The following RPS6KC1 variants were observed in gnomAD, a reference collection of about 807,000 sequenced individuals.
The protein encoded by RPS6KC1 is ribosomal protein S6 kinase C1, also known as inactive ribosomal protein S6 kinase delta-1.
In RPS6KC1, 54 loss-of-function variants were observed where a neutral mutation model predicts 103.8. The observed-to-expected ratio is 0.52, with a 90% CI of 0.42 to 0.65. The LOEUF is 0.65. Among genes scored for constraint, RPS6KC1 ranks in the 30% least tolerant of loss-of-function variants. RPS6KC1 has a pLI of 0.00. For missense variants in RPS6KC1, 1,151 were observed against 1,253.8 expected (o/e 0.92, Z 1.24); for synonymous variants, 439 against 438.7 (o/e 1.00, Z -0.01).
chr1:213,185,986 C>T lies in RPS6KC1; in HGVS notation c.1044+9494C>T, dbSNP rs374541993. On this transcript the variant is annotated intron_variant, in intron 8 of 14. Coordinates refer to ENST00000366960, the MANE Select transcript of RPS6KC1 (RefSeq NM_012424.6). ...CAAATAATAAGAATAGAAACAAAGG[C>T]AAAAAAAAAAACTACACAAAAATAA... 4.1e-4 allele frequency among the ~76,000 whole-genome samples: 58 copies of T among 140,408 alleles called. No individual in the cohort carries two copies. The East Asian group carries it at 4.7e-3, about 11-fold the overall frequency. The allele number at this position is 140,408 out of a possible 152,430, so 92.1% of individuals were successfully genotyped here.
At chr1:213,370,118 A>C in the RPS6KC1 span, among the ~76,000 whole-genome samples, 1 of 152,108 alleles carries the variant, frequency 6.6e-6, no homozygotes, top group African/African-American at 2.4e-5. Context: ...AAAGCTCAAA[A>C]AGATGCTGTG....
chr1:213,252,749 T>C (rs1355344184), intron 12 of RPS6KC1, among the ~76,000 whole-genome samples: 1 of 152,214 alleles, frequency 6.6e-6, no homozygotes, highest in South Asian at 2.1e-4. Flanking sequence ...ACTATATTTA[T>C]CTTTCACCTT....
chr1:213,757,452 T>C, the RPS6KC1 span, among the ~76,000 whole-genome samples: 2 of 152,220 alleles, frequency 1.3e-5, no homozygotes, highest in Non-Finnish European at 2.9e-5. Flanking sequence ...AGCCAAAGCC[T>C]AATCCAGAGC....
the RPS6KC1 span, among the ~76,000 whole-genome samples, chr1:213,474,175 G>T: frequency 6.6e-6 from 1 of 152,072 alleles, no homozygotes; most frequent in Non-Finnish European, 1.5e-5. Flanking sequence ...CTGGGTTCGG[G>T]GGTAGATGGA....
the RPS6KC1 span, among the ~76,000 whole-genome samples, chr1:213,513,413 A>G: frequency 9.9e-5 from 15 of 152,222 alleles, no homozygotes; most frequent in Admixed American, 3.9e-4. Context: ...AGAGAAAATT[A>G]ATATAGTACC....
At chr1:213,622,382 T>A in the RPS6KC1 span, among the ~76,000 whole-genome samples, 1 of 152,116 alleles carries the variant, frequency 6.6e-6, no homozygotes, top group Admixed American at 6.5e-5. Flanking sequence ...TGCAGCCTCC[T>A]CTTTTGTGAA....
At chr1:213,497,999 C>G in the RPS6KC1 span, among the ~76,000 whole-genome samples, 4 of 151,984 alleles carry the variant, frequency 2.6e-5, no homozygotes, top group African/African-American at 4.8e-5. Flanking sequence ...GTTTTCAAAC[C>G]GTTAAGGGAA....
Position 213,051,491 on chromosome 1 carries a change from A to T in RPS6KC1, c.87A>T (p.Val29=). The part of the protein sequence containing the change: ...EPQRHPRGYT[V]YKVTARVVSR... ...AGCGACACCCGAGGGGCTACACAGT[A>T]TATAAGGTCACCGCCCGGGTGAGTG... Residue 29 remains valine (V), a synonymous_variant, in exon 1 of 15, where the codon GTA becomes GTT. Coordinates refer to ENST00000366960, the MANE Select transcript of RPS6KC1 (RefSeq NM_012424.6). The T allele has an allele frequency of 6.2e-6, 10 of 1,612,636 alleles. No individual in the cohort carries two copies. Among genetic ancestry groups the T allele is most frequent in the Non-Finnish European group, 7.6e-6 (9 of 1,179,246 alleles).
chr1:213,444,493 C>T, the RPS6KC1 span, among the ~76,000 whole-genome samples: 1 of 152,142 alleles, frequency 6.6e-6, no homozygotes, highest in Non-Finnish European at 1.5e-5. Flanking sequence ...GCCTCAGGTG[C>T]AAAAGCTTTA....
At chr1:213,700,602 G>A in the RPS6KC1 span, among the ~76,000 whole-genome samples, 3 of 151,714 alleles carry the variant, frequency 2.0e-5, no homozygotes, top group Non-Finnish European at 2.9e-5. Context: ...AATGTCATTG[G>A]TATTTTGATC....
At chr1:213,373,471 A>G in the RPS6KC1 span, among the ~76,000 whole-genome samples, 2 of 152,236 alleles carry the variant, frequency 1.3e-5, no homozygotes, top group Non-Finnish European at 2.9e-5. Context: ...GTATGTCAAT[A>G]AACTACTTTT....
At chr1:213,804,183 A>AC in the RPS6KC1 span, among the ~76,000 whole-genome samples, 4 of 149,772 alleles carry the variant, frequency 2.7e-5, no homozygotes, top group Middle Eastern at 3.5e-3. Flanking sequence ...TAAAAAAAAA[A>AC]AAAAAAAAAA....
At chr1:213,285,688 G>A in the RPS6KC1 span, among the ~76,000 whole-genome samples, 1 of 152,168 alleles carries the variant, frequency 6.6e-6, no homozygotes, top group Non-Finnish European at 1.5e-5. Context: ...ACTGTGTCAT[G>A]TGGTGCTATG....
At chr1:213,203,848 A>G (rs552510411) in intron 8 of RPS6KC1, among the ~76,000 whole-genome samples, 2 of 152,352 alleles carry the variant, frequency 1.3e-5, no homozygotes, top group South Asian at 4.1e-4. Flanking sequence ...ATTAACATAT[A>G]AATTATAAAG....
the RPS6KC1 span, among the ~76,000 whole-genome samples, chr1:213,409,992 C>T: frequency 6.6e-6 from 1 of 152,080 alleles, no homozygotes; most frequent in Non-Finnish European, 1.5e-5. Flanking sequence ...GTGAGAGCCC[C>T]GTCTCTAAAA....
At chr1:213,661,294 G>A in the RPS6KC1 span, among the ~76,000 whole-genome samples, 1 of 152,216 alleles carries the variant, frequency 6.6e-6, no homozygotes, top group Non-Finnish European at 1.5e-5. Flanking sequence ...AGGGGCTGGT[G>A]TCAGGATCTC....
intron 6 of RPS6KC1, among the ~76,000 whole-genome samples, chr1:213,167,478 ACACACACACAC>A (rs1287551701): frequency 0.013 from 1,969 of 145,994 alleles, 54 homozygotes; most frequent in African/African-American, 0.045. Flanking sequence ...ACACACACAC[ACACACACACAC>A]AACAGCTGTT....
the RPS6KC1 span, among the ~76,000 whole-genome samples, chr1:213,562,387 T>G: frequency 5.5e-4 from 52 of 94,302 alleles, 1 homozygote; most frequent in African/African-American, 2.4e-3. Flanking sequence ...TTTTTTTTTT[T>G]TTTTTTTTTT....
chr1:213,340,133 G>A, the RPS6KC1 span, among the ~76,000 whole-genome samples: 3 of 151,896 alleles, frequency 2.0e-5, no homozygotes, highest in East Asian at 1.9e-4. Context: ...CGTCTGCCTC[G>A]GCCTCCCAAA....
Sources: allele counts gnomAD v4.1 joint callset (sites outside exome capture counted in the v4.1 genomes callset), GRCh38; gene constraint gnomAD v4.1.1; transcripts MANE v1.5; gene names NCBI Gene and HGNC (gene_info 2026-07-23, HGNC 2026-07-21).